Variants in STK32B observed in about 807,000 individuals in gnomAD.
STK32B encodes serine/threonine-protein kinase 32B.
Under a neutral mutation model 52.6 loss-of-function variants are expected in STK32B, and 43 were observed. The observed-to-expected ratio is 0.82, with a 90% CI of 0.64 to 1.05. The LOEUF (loss-of-function observed/expected upper bound fraction) is 1.05. Among genes scored for constraint, STK32B ranks in the 50% least tolerant of loss-of-function variants. The probability of loss-of-function intolerance (pLI) is 0.00; values close to 1 mark genes in which losing one functional copy is unlikely to be tolerated. For missense variants in STK32B, 621 were observed against 534.6 expected, an observed-to-expected ratio of 1.16 and a Z score of -1.59; for synonymous variants, 238 against 204.3, an observed-to-expected ratio of 1.17 and a Z score of -1.41.
rs1366593471 is a variant in STK32B at position 5,106,763 on chromosome 4, C to T, written c.53-33142C>T. On this transcript the variant is annotated intron_variant, in intron 1 of 11. Coordinates refer to ENST00000282908, the MANE Select transcript of STK32B (RefSeq NM_018401.3). ...AAATATTGCTTTTCCATGCTATTTACTTGTGTAGATGGCCAATTGTCCTGA... is the reference window on the plus strand; with the variant it reads ...AAATATTGCTTTTCCATGCTATTTATTTGTGTAGATGGCCAATTGTCCTGA... Among the ~76,000 whole-genome samples, 4 of 152,074 alleles carry T rather than the reference C, an allele frequency of 2.6e-5. No individual in the cohort carries two copies. In the East Asian group the frequency reaches 7.7e-4, roughly 29 times the overall value.
intron 1 of STK32B, among the ~76,000 whole-genome samples, chr4:5,061,955 T>G (rs1232293544): frequency 1.3e-5 from 2 of 152,200 alleles, no homozygotes; most frequent in Non-Finnish European, 2.9e-5. Flanking sequence ...CCAAAGTTCT[T>G]TCTTCCCTTG....
At chr4:5,056,204 A>T (rs1261543347) in intron 1 of STK32B, among the ~76,000 whole-genome samples, 1 of 152,198 alleles carries the variant, frequency 6.6e-6, no homozygotes, top group Non-Finnish European at 1.5e-5. Context: ...TGATGATCTC[A>T]GGTGGAACAG....
intron 7 of STK32B, 88 bp from the exon 8 acceptor site, chr4:5,456,719 C>A: frequency 8.5e-7 from 1 of 1,174,422 alleles, no homozygotes; most frequent in South Asian, 1.9e-5. Context: ...AAGAATAAAC[C>A]ATCCCTCATA....
At chr4:5,075,571 A>G (rs1712027461) in intron 1 of STK32B, among the ~76,000 whole-genome samples, 1 of 152,140 alleles carries the variant, frequency 6.6e-6, no homozygotes, top group African/African-American at 2.4e-5. Flanking sequence ...TCCTTTTAAT[A>G]TTAGTTTATC....
intron 3 of STK32B, among the ~76,000 whole-genome samples, chr4:5,215,016 G>T (rs192553662): frequency 6.6e-6 from 1 of 152,134 alleles, no homozygotes; most frequent in African/African-American, 2.4e-5. Context: ...TTAAAAAACC[G>T]CACAAAGACA....
intron 1 of STK32B, among the ~76,000 whole-genome samples, chr4:5,134,512 G>GA (rs1315078879): frequency 1.6e-4 from 25 of 152,010 alleles, no homozygotes; most frequent in African/African-American, 6.0e-4. Flanking sequence ...CCAGAACTGT[G>GA]AAAAAATAAT....
At chr4:5,170,469 C>T (rs2108739454) in intron 3 of STK32B, among the ~76,000 whole-genome samples, 1 of 152,118 alleles carries the variant, frequency 6.6e-6, no homozygotes, top group South Asian at 2.1e-4. Flanking sequence ...GTCCCCCCAC[C>T]CCACAACAGT....
At chr4:5,181,207 A>G (rs2369670) in intron 3 of STK32B, among the ~76,000 whole-genome samples, 66,905 of 151,998 alleles carry the variant, frequency 0.44, 15,072 homozygotes, top group East Asian at 0.55. Flanking sequence ...CTAGCCCCCA[A>G]TGTCACTGTA....
chr4:5,368,586 G>C (rs1193828364), intron 4 of STK32B, among the ~76,000 whole-genome samples: 2 of 152,200 alleles, frequency 1.3e-5, no homozygotes, highest in African/African-American at 4.8e-5. Context: ...GCACTGCAAT[G>C]TGCCCAAGGT....
At chr4:5,331,467 T>TG in intron 4 of STK32B, 74 bp downstream of exon 4, 1 of 1,486,108 alleles carries the variant, frequency 6.7e-7, no homozygotes, top group Non-Finnish European at 9.0e-7. Flanking sequence ...TCTGCAGTAG[T>TG]GGGGAGAGAA....
At chr4:5,455,407 C>T (rs1716409933) in intron 7 of STK32B, among the ~76,000 whole-genome samples, 1 of 152,244 alleles carries the variant, frequency 6.6e-6, no homozygotes, top group Admixed American at 6.5e-5. Flanking sequence ...GCGGATCATG[C>T]TTCTACATAT....
intron 8 of STK32B, among the ~76,000 whole-genome samples, chr4:5,458,263 A>ATGCATGGAGCTGAGTCT (rs560574331): frequency 1.3e-5 from 2 of 152,136 alleles, no homozygotes; most frequent in Non-Finnish European, 2.9e-5. Context: ...ATCCTCCACG[A>ATGCATGGAGCTGAGTCT]TGCATGGAGC....
At chr4:5,049,178 T>C (rs1181661019), upstream of STK32B, among the ~76,000 whole-genome samples, 2 of 151,988 alleles carry the variant, frequency 1.3e-5, no homozygotes, top group Non-Finnish European at 2.9e-5. Context: ...GCACCCTCTC[T>C]GGCCAATGCC....
At chr4:5,485,737 G>C (rs910907674) in intron 11 of STK32B, among the ~76,000 whole-genome samples, 2 of 152,134 alleles carry the variant, frequency 1.3e-5, no homozygotes, top group African/African-American at 4.8e-5. Context: ...TTTGGTCTTT[G>C]ATGATGGTGA....
rs1717740963 is a variant in STK32B, at chr4:5,470,120, A to G, written c.1106+2050A>G. ...CTTCAATTTGGATTCTTCCTTTTAA[A>G]AGGAAGTGAGAATGAGACATCCTTC... On this transcript the variant is annotated intron_variant, in intron 11 of 11. Coordinates refer to ENST00000282908, the MANE Select transcript of STK32B (RefSeq NM_018401.3). This position sits in a 1 kb window ranked among gnomAD's most constrained non-coding sequence, Gnocchi z 4.6. Among the ~76,000 whole-genome samples, 1 of 152,108 alleles carries G rather than the reference A, an allele frequency of 6.6e-6. No individual in the cohort carries two copies. Among genetic ancestry groups the G allele is most frequent in the African/African-American group, 2.4e-5 (1 of 41,420 alleles).
chr4:5,206,792 C>T (rs1168986409), intron 3 of STK32B, among the ~76,000 whole-genome samples: 5 of 152,168 alleles, frequency 3.3e-5, no homozygotes, highest in Admixed American at 3.3e-4. Context: ...AAGGAGCCTG[C>T]CCCGGGGTCT....
intron 4 of STK32B, among the ~76,000 whole-genome samples, chr4:5,350,138 C>G (rs773618807): frequency 7.2e-5 from 11 of 151,996 alleles, no homozygotes; most frequent in Non-Finnish European, 1.2e-4. Context: ...GGCATAGATA[C>G]AATTCAAAAA....
chr4:5,149,842 T>C (rs1249175507), intron 2 of STK32B, among the ~76,000 whole-genome samples: 1 of 151,938 alleles, frequency 6.6e-6, no homozygotes, highest in East Asian at 1.9e-4. Context: ...AAAATCTAGG[T>C]TTCTCTCTGG....
intron 3 of STK32B, among the ~76,000 whole-genome samples, chr4:5,220,641 C>A (rs1004694333): frequency 6.6e-6 from 1 of 152,144 alleles, no homozygotes; most frequent in African/African-American, 2.4e-5. Flanking sequence ...GTATGTGAGC[C>A]TTAGGAATTT....
Sources: gnomAD v4.1 joint callset for allele counts (sites outside exome capture counted in the v4.1 genomes callset) on GRCh38, gnomAD v4.1.1 for gene constraint, Gnocchi (gnomAD v3.1) non-coding constraint, MANE v1.5 for transcripts, NCBI Gene and HGNC (gene_info 2026-07-23, HGNC 2026-07-21) for gene names.